MCPH1: variants seen among roughly 807,000 people sequenced by gnomAD.
The protein encoded by MCPH1 is microcephalin 1.
MCPH1 carries 104 observed loss-of-function variants against 84.5 expected under a neutral mutation model. The observed-to-expected ratio is 1.23, with a 90% CI of 1.05 to 1.45. The LOEUF (loss-of-function observed/expected upper bound fraction) is 1.45. Among genes scored for constraint, MCPH1 ranks in the 40% most tolerant of loss-of-function variants. The probability of loss-of-function intolerance (pLI) is 0.00; values close to 1 mark genes in which losing one functional copy is unlikely to be tolerated. For synonymous variants in MCPH1, 514 were observed against 366.8 expected, an observed-to-expected ratio of 1.40 and a Z score of -4.58; for missense variants, 1,498 against 1,005.7, an observed-to-expected ratio of 1.49 and a Z score of -6.62.
chr8:6,423,805 C>CTGGAA (rs1402629436), intron 3 of MCPH1, among the ~76,000 whole-genome samples: 3 of 152,126 alleles, frequency 2.0e-5, no homozygotes, highest in African/African-American at 7.2e-5. Flanking sequence ...TCCATTCTCA[C>CTGGAA]TGGAATTATC....
chr8:6,609,350 C>A (rs1219042242), intron 12 of MCPH1, among the ~76,000 whole-genome samples: 1 of 152,194 alleles, frequency 6.6e-6, no homozygotes, highest in Non-Finnish European at 1.5e-5. Flanking sequence ...TGACATATTT[C>A]TCGCAGTTGT....
chr8:6,471,194 C>G (rs941635116), intron 9 of MCPH1, among the ~76,000 whole-genome samples: 1 of 152,070 alleles, frequency 6.6e-6, no homozygotes, highest in African/African-American at 2.4e-5. Flanking sequence ...CTTCTTTCCC[C>G]AAAAGGGCTT....
intron 12 of MCPH1, among the ~76,000 whole-genome samples, chr8:6,520,783 C>G (rs776311590): frequency 7.2e-5 from 11 of 152,204 alleles, no homozygotes; most frequent in Non-Finnish European, 7.3e-5. Flanking sequence ...GATAAGGGAA[C>G]TAGCATCTCT....
intron 12 of MCPH1, chr8:6,502,322 T>C (rs1419550654): frequency 6.6e-6 from 1 of 152,182 alleles, no homozygotes; most frequent in Non-Finnish European, 1.5e-5. Flanking sequence ...ATTTAATTAC[T>C]AAAAATACCT....
chr8:6,623,577 T>C (rs1227914620), intron 13 of MCPH1, among the ~76,000 whole-genome samples: 2 of 151,792 alleles, frequency 1.3e-5, no homozygotes, highest in African/African-American at 4.8e-5. Context: ...TTTACAAGTA[T>C]CTTTTACATG....
intron 12 of MCPH1, among the ~76,000 whole-genome samples, chr8:6,613,546 C>A (rs1830491049): frequency 6.6e-6 from 1 of 151,504 alleles, no homozygotes; most frequent in African/African-American, 2.4e-5. Context: ...GGGCTGCAGA[C>A]AAGGTGGGAG....
chr8:6,445,641 T>C (rs1388357737), intron 8 of MCPH1, 94 bp downstream of exon 8: 3 of 1,484,990 alleles, frequency 2.0e-6, no homozygotes, highest in African/African-American at 2.8e-5. Flanking sequence ...TCATAACTTA[T>C]TTCCCCATTT....
chr8:6,408,195 A>G (rs890799390), intron 1 of MCPH1, among the ~76,000 whole-genome samples: 1 of 152,210 alleles, frequency 6.6e-6, no homozygotes, highest in Non-Finnish European at 1.5e-5. Flanking sequence ...TAAAATTTTA[A>G]TAAATTCCAC....
chr8:6,503,043 C>T lies in MCPH1; in HGVS notation c.2214+3114C>T, dbSNP rs1812507481. 7.5e-6 allele frequency: 12 copies of T among 1,598,524 alleles called. No individual in the cohort carries two copies. The East Asian group carries it at 2.7e-4, about 36-fold the overall frequency. On this transcript the variant is annotated intron_variant, in intron 12 of 13. Transcript: ENST00000344683. ...CAGTGCGCAGCCGTGACTTTCAGTG[C>T]ACTGGGCTTAAGTCTTTGAAAATAG...
At chr8:6,633,270 A>C (rs1181706095) in intron 13 of MCPH1, among the ~76,000 whole-genome samples, 1 of 152,224 alleles carries the variant, frequency 6.6e-6, no homozygotes, top group Admixed American at 6.5e-5. Flanking sequence ...CATGTCATAC[A>C]GTTGTCTACA....
chr8:6,480,747 A>G lies in MCPH1; in HGVS notation c.2007A>G (p.Lys669=). ...KQNVVIQVVD[K]LKGFSIAPDV... ...ATGTCGTCATCCAGGTTGTGGATAAATTGAAAGGCTTTTCAATTGCACCAG... is the reference window on the plus strand; with the variant it reads ...ATGTCGTCATCCAGGTTGTGGATAAGTTGAAAGGCTTTTCAATTGCACCAG... Residue 669 remains lysine, a synonymous_variant, in exon 11 of 14, where the codon AAA becomes AAG. Coordinates refer to ENST00000344683, the MANE Select transcript of MCPH1 (RefSeq NM_024596.5). 6.2e-7 allele frequency: 1 copy of G among 1,614,166 alleles called. No individual in the cohort carries two copies. Among genetic ancestry groups the G allele is most frequent in the East Asian group, 2.2e-5 (1 of 44,874 alleles).
At chr8:6,407,140 C>T (rs1266423742) in intron 1 of MCPH1, 4 of 239,122 alleles carry the variant, frequency 1.7e-5, no homozygotes, top group African/African-American at 4.7e-5. Context: ...AGGCAGAGTC[C>T]TGCCCTCCGG....
intron 12 of MCPH1, chr8:6,562,977 C>G (rs375792658): frequency 6.5e-7 from 1 of 1,546,280 alleles, no homozygotes; most frequent in African/African-American, 1.4e-5. Flanking sequence ...AACTTGAGGG[C>G]AAACACACGT....
chr8:6,622,380 G>T (rs1831542435), intron 13 of MCPH1, among the ~76,000 whole-genome samples: 2 of 152,202 alleles, frequency 1.3e-5, no homozygotes, highest in Admixed American at 1.3e-4. Context: ...GGAGAAGAGG[G>T]TTAAGGAAGA....
intron 12 of MCPH1, among the ~76,000 whole-genome samples, chr8:6,559,298 G>A (rs1308949063): frequency 6.6e-6 from 1 of 151,616 alleles, no homozygotes; most frequent in African/African-American, 2.4e-5. Context: ...CTAGCGGGCT[G>A]GGTTCCCCTG....
Position 6,463,341 on chromosome 8 carries a change from A to G in MCPH1, c.1935+8089A>G. ...TTAGAACCTTCCTGAAAGAACTGAG[A>G]TCTTTGTGAGCTGCGATAGGGTACT... On this transcript the variant is annotated intron_variant, in intron 9 of 13. Transcript: ENST00000344683. Among the ~76,000 whole-genome samples, 2 of 152,148 alleles carry G rather than the reference A, an allele frequency of 1.3e-5. 1 individual carries two copies. The highest frequency in any genetic ancestry group is 2.9e-5 in the Non-Finnish European group (2 of 68,022).
chr8:6,593,781 G>A (rs1009104444), intron 12 of MCPH1, among the ~76,000 whole-genome samples: 27 of 152,154 alleles, frequency 1.8e-4, no homozygotes, highest in African/African-American at 5.3e-4. Context: ...TAAAATTGTC[G>A]CATAGGACTT....
intron 11 of MCPH1, among the ~76,000 whole-genome samples, chr8:6,496,134 G>A (rs961503776): frequency 6.6e-6 from 1 of 152,152 alleles, no homozygotes; most frequent in Non-Finnish European, 1.5e-5. Context: ...TGTAAAATCA[G>A]TGGGAGCCCT....
chr8:6,574,571 C>T (rs750336880), intron 12 of MCPH1, among the ~76,000 whole-genome samples: 4 of 152,028 alleles, frequency 2.6e-5, no homozygotes, highest in Non-Finnish European at 4.4e-5. Context: ...TTTGAAAACA[C>T]CTAAAGGGGA....
Sources: gnomAD v4.1 joint callset for allele counts (sites outside exome capture counted in the v4.1 genomes callset) on GRCh38, gnomAD v4.1.1 for gene constraint, MANE v1.5 for transcripts, NCBI Gene and HGNC (gene_info 2026-07-23, HGNC 2026-07-21) for gene names.